The following CACNA1C variants were observed in gnomAD, a reference collection of about 807,000 sequenced individuals.
CACNA1C encodes the protein calcium voltage-gated channel subunit alpha1 C, also known as voltage-dependent L-type calcium channel subunit alpha-1C.
CACNA1C carries 30 observed loss-of-function variants against 229.0 expected under a neutral mutation model. The ratio of observed to expected loss-of-function variants is 0.13; its 90% CI spans 0.10 to 0.18. The LOEUF is 0.18. CACNA1C is among the 10% of genes least tolerant of loss of function. The pLI, the probability that CACNA1C is intolerant of heterozygous loss-of-function variation, is 1.00. For missense variants in CACNA1C, 1,658 were observed against 2,845.0 expected (o/e 0.58, Z 9.49); for synonymous variants, 1,114 against 1,132.5 (o/e 0.98, Z 0.33).
chr12:2,043,388 T>C (rs901631015), intron 1 of CACNA1C, among the ~76,000 whole-genome samples: 6 of 152,208 alleles, frequency 3.9e-5, no homozygotes, highest in African/African-American at 1.4e-4. Context: ...AGGTTCTGGT[T>C]CACAAAGTCA....
intron 3 of CACNA1C, among the ~76,000 whole-genome samples, chr12:2,198,106 C>T (rs1466620814): frequency 6.6e-6 from 1 of 152,288 alleles, no homozygotes; most frequent in African/African-American, 2.4e-5. Flanking sequence ...ATGAGGACAC[C>T]CGCCCTGGCT....
Position 2,697,812 on chromosome 12 carries a change from G to A in CACNA1C, c.*6613G>A, listed in dbSNP as rs973193905. ...TAGAAGGGGCAACCCTTCAAGGAGA[G>A]CTTCAGGGTCATCTCTGTGTGAGAC... On this transcript the variant is annotated 3_prime_UTR_variant, in exon 47 of 47. Transcript: ENST00000399655. 6.6e-6 allele frequency: 1 copy of A among 152,614 alleles called. No individual in the cohort carries two copies. Among genetic ancestry groups the A allele is most frequent in the African/African-American group, 2.4e-5 (1 of 41,448 alleles). The allele number at this position is 152,614 out of a possible 1,614,324, so 9.5% of individuals were successfully genotyped here. A position where few individuals can be genotyped will look rare whatever the true frequency, so the allele number is the denominator to read the frequency against.
Position 2,354,595 on chromosome 12 carries a change from C to T in CACNA1C, c.478-94381C>T, listed in dbSNP as rs149249452. On this transcript the variant is annotated intron_variant, in intron 3 of 46. Coordinates refer to ENST00000399655, the MANE Select transcript of CACNA1C (RefSeq NM_000719.7). This position sits in a 1 kb window ranked among gnomAD's most constrained non-coding sequence, Gnocchi z 4.6. The stretch of plus-strand genomic sequence containing the variant: ...CTCCTAGCTATGCTTGTAAGAAGTG[C>T]GTGCTTCTGGTTGGGAGAGCCCAGG... 7.4e-4 allele frequency among the ~76,000 whole-genome samples: 112 copies of T among 152,298 alleles called. No individual in the cohort carries two copies. Among genetic ancestry groups the T allele is most frequent in the South Asian group, 2.5e-3 (12 of 4,822 alleles).
chr12:2,629,331 T>C (rs2089144525), intron 29 of CACNA1C, among the ~76,000 whole-genome samples: 3 of 152,192 alleles, frequency 2.0e-5, no homozygotes, highest in Non-Finnish European at 4.4e-5. Context: ...GAGATGGGCA[T>C]GTCTTGTCTC....
intron 5 of CACNA1C, among the ~76,000 whole-genome samples, chr12:2,485,110 A>G (rs1477768050): frequency 6.6e-6 from 1 of 151,990 alleles, no homozygotes; most frequent in African/African-American, 2.4e-5. Context: ...GAAGGTAAAG[A>G]CACAAAAAGT....
In CACNA1C at chr12:2,346,775, C is replaced by T. The variant is rs1317277786; in HGVS notation, c.478-102201C>T. ...GGACATTAAAACTTGATTTTGCATC[C>T]AGCTCATGATAAGCATATAGCAGCA... On this transcript the variant is annotated intron_variant, in intron 3 of 46. Transcript: ENST00000399655. The surrounding 1 kb of genome is among the most constrained non-coding windows in gnomAD (Gnocchi z 4.4). 4.6e-5 allele frequency among the ~76,000 whole-genome samples: 7 copies of T among 152,156 alleles called. No individual in the cohort carries two copies. Among genetic ancestry groups the T allele is most frequent in the Admixed American group, 3.9e-4 (6 of 15,288 alleles).
In CACNA1C at chr12:2,201,544, T is replaced by C. The variant is rs539357834; in HGVS notation, c.477+81114T>C. Reference sequence around the variant, plus strand: ...GAAATGTCTTCCCTTAGGTCTTTGCTGCCAATCTGGGAAATGTCAAAGGAA... The same window carrying C: ...GAAATGTCTTCCCTTAGGTCTTTGCCGCCAATCTGGGAAATGTCAAAGGAA... On this transcript the variant is annotated intron_variant, in intron 3 of 46. Transcript: ENST00000399655. Among the ~76,000 whole-genome samples the C allele has an allele frequency of 2.0e-5, 3 of 152,372 alleles. No individual in the cohort carries two copies. The East Asian group carries it at 5.8e-4, about 29-fold the overall frequency.
intron 9 of CACNA1C, among the ~76,000 whole-genome samples, chr12:2,513,661 C>A (rs1004966283): frequency 2.0e-5 from 3 of 152,176 alleles, no homozygotes; most frequent in African/African-American, 7.2e-5. Context: ...CTCACAAATA[C>A]GTAAAAAATG....
chr12:2,159,422 G>C (rs1378801754), intron 3 of CACNA1C, among the ~76,000 whole-genome samples: 1 of 152,110 alleles, frequency 6.6e-6, no homozygotes, highest in Non-Finnish European at 1.5e-5. Flanking sequence ...TTGAGTCTGG[G>C]AGGTTGAGGC....
chr12:2,190,302 C>T (rs1293498568), intron 3 of CACNA1C, among the ~76,000 whole-genome samples: 2 of 152,230 alleles, frequency 1.3e-5, no homozygotes, highest in Admixed American at 6.5e-5. Context: ...TGCCAGCCAG[C>T]GTTCTCCCAG....
chr12:2,239,733 T>C (rs1367908155), intron 3 of CACNA1C, among the ~76,000 whole-genome samples: 4 of 152,156 alleles, frequency 2.6e-5, no homozygotes, highest in Admixed American at 2.0e-4. Flanking sequence ...CTGGGCCATT[T>C]CCACAGAGGC....
In CACNA1C at chr12:2,108,134, A is replaced by G. The variant is rs756474072; in HGVS notation, c.50-7090A>G. Among the ~76,000 whole-genome samples, 5 of 152,240 alleles carry G rather than the reference A, an allele frequency of 3.3e-5. No homozygotes were observed. The highest frequency in any genetic ancestry group is 7.3e-5 in the Non-Finnish European group (5 of 68,040). On this transcript the variant is annotated intron_variant, in intron 1 of 46. Transcript: ENST00000399655. The surrounding 1 kb of genome is among the most constrained non-coding windows in gnomAD (Gnocchi z 5.3). Reference sequence around the variant, plus strand: ...AAATGTTGTATTGGACAGTGTTGCTATAGACTGGTCTATATATCTCAGTCA... The same window carrying G: ...AAATGTTGTATTGGACAGTGTTGCTGTAGACTGGTCTATATATCTCAGTCA...
intron 3 of CACNA1C, among the ~76,000 whole-genome samples, chr12:2,339,751 A>G (rs889590573): frequency 4.6e-5 from 7 of 152,216 alleles, no homozygotes; most frequent in African/African-American, 1.4e-4. Context: ...TTATAACCTT[A>G]TGAGACCACC....
intron 3 of CACNA1C, among the ~76,000 whole-genome samples, chr12:2,180,314 A>G (rs2096796586): frequency 6.6e-6 from 1 of 152,260 alleles, no homozygotes; most frequent in Admixed American, 6.5e-5. Flanking sequence ...GCATTAGGAT[A>G]CAGAGGCTCT....
intron 38 of CACNA1C, among the ~76,000 whole-genome samples, chr12:2,672,453 C>G (rs1398942200): frequency 6.6e-6 from 1 of 152,186 alleles, no homozygotes; most frequent in Non-Finnish European, 1.5e-5. Context: ...AGAAAGTTCT[C>G]TCAGTTTAGG....
chr12:2,182,692 G>A (rs536173167), intron 3 of CACNA1C, among the ~76,000 whole-genome samples: 2 of 152,288 alleles, frequency 1.3e-5, no homozygotes, highest in African/African-American at 4.8e-5. Context: ...GCTAGGGACT[G>A]TGTACTGCAA....
At chr12:2,061,267 C>A (rs7972947) in intron 1 of CACNA1C, among the ~76,000 whole-genome samples, 47,987 of 151,974 alleles carry the variant, frequency 0.32, 9,037 homozygotes, top group East Asian at 0.62. Flanking sequence ...TCCCCATCAG[C>A]GAGCAGAGCA....
chr12:2,331,877 TAGATTAAAGGAACTAA>T (rs148208646), intron 3 of CACNA1C, among the ~76,000 whole-genome samples: 17,806 of 152,028 alleles, frequency 0.12, 2,777 homozygotes, highest in African/African-American at 0.36. Flanking sequence ...AGAACTGTTT[TAGATTAAAGGAACTAA>T]AGATTAAAGG....
intron 3 of CACNA1C, among the ~76,000 whole-genome samples, chr12:2,407,939 A>T (rs191757322): frequency 6.6e-6 from 1 of 152,342 alleles, no homozygotes; most frequent in African/African-American, 2.4e-5. Context: ...ACACCACAAG[A>T]AACACTGCGG....
Sources: allele counts gnomAD v4.1 joint callset (sites outside exome capture counted in the v4.1 genomes callset), GRCh38; gene constraint gnomAD v4.1.1; non-coding constraint Gnocchi (gnomAD v3.1); transcripts MANE v1.5; gene names NCBI Gene and HGNC (gene_info 2026-07-23, HGNC 2026-07-21).